Variants in IFT52 observed in about 807,000 individuals in gnomAD.
The protein encoded by IFT52 is intraflagellar transport 52.
In IFT52, 44 loss-of-function variants were observed where a neutral mutation model predicts 54.4. The ratio of observed to expected loss-of-function variants is 0.81; its 90% CI spans 0.63 to 1.04. The LOEUF is 1.04. Ranked by LOEUF, IFT52 falls within the 50% of genes least tolerant of loss-of-function variation. IFT52 has a pLI of 0.00. For synonymous variants in IFT52, 181 were observed against 185.3 expected (o/e 0.98, Z 0.19); for missense variants, 452 against 523.6 (o/e 0.86, Z 1.33).
At chr20:43,626,444 C>T (rs1984729443) in intron 10 of IFT52, among the ~76,000 whole-genome samples, 1 of 151,938 alleles carries the variant, frequency 6.6e-6, no homozygotes, top group South Asian at 2.1e-4. Context: ...CGGGGTTTCA[C>T]CATGTTGGCC....
At chr20:43,591,738 C>T (rs1981537910) in intron 1 of IFT52, among the ~76,000 whole-genome samples, 1 of 152,044 alleles carries the variant, frequency 6.6e-6, no homozygotes. Context: ...AAAGGTATAG[C>T]AATTAAACTA....
At chr20:43,605,371 A>G (rs1258137545) in intron 6 of IFT52, among the ~76,000 whole-genome samples, 1 of 152,150 alleles carries the variant, frequency 6.6e-6, no homozygotes. Flanking sequence ...ACATGGCAAA[A>G]TCCCATCTCT....
intron 11 of IFT52, among the ~76,000 whole-genome samples, chr20:43,636,472 A>T (rs1270848622): frequency 2.0e-5 from 3 of 152,174 alleles, no homozygotes; most frequent in African/African-American, 7.2e-5. Flanking sequence ...CCACATTCTG[A>T]AATGTTATGA....
intron 9 of IFT52, among the ~76,000 whole-genome samples, chr20:43,622,266 C>T (rs1984355903): frequency 6.6e-6 from 1 of 152,090 alleles, no homozygotes; most frequent in Non-Finnish European, 1.5e-5. Context: ...AAACATTAAG[C>T]ATGTGGATAT....
chr20:43,641,942 C>T (rs913839234), intron 12 of IFT52, among the ~76,000 whole-genome samples: 12 of 152,046 alleles, frequency 7.9e-5, no homozygotes, highest in African/African-American at 2.9e-4. Context: ...TACAGGCCTG[C>T]ATCACCACAT....
intron 2 of IFT52, 103 bp downstream of exon 2, chr20:43,594,920 A>G: frequency 1.4e-6 from 1 of 724,810 alleles, no homozygotes; most frequent in Non-Finnish European, 2.4e-6. Flanking sequence ...TTTAGGTGGG[A>G]GAAGCTCAAT....
At chr20:43,605,097 A>G (rs762097502) in intron 6 of IFT52, 24 bp downstream of exon 6, 8 of 1,610,188 alleles carry the variant, frequency 5.0e-6, no homozygotes, top group African/African-American at 4.0e-5. Context: ...CTGATGCCAC[A>G]TGAGGAAGAT....
rs185981976 is a variant in IFT52 at position 43,605,139 on chromosome 20, A to G, written c.485+66A>G. The G allele has an allele frequency of 1.1e-5, 17 of 1,584,002 alleles. No individual in the cohort carries two copies. In the East Asian group the frequency reaches 3.6e-4, roughly 33 times the overall value. On this transcript the variant is annotated intron_variant, in intron 6 of 13. Coordinates refer to ENST00000373030, the MANE Select transcript of IFT52 (RefSeq NM_016004.5). The stretch of plus-strand genomic sequence containing the variant: ...TTTTGGAGTCTTCTTTTTCAAAATG[A>G]AAAGAGCTTTTGTTTCTGGTTACAA...
intron 3 of IFT52, among the ~76,000 whole-genome samples, chr20:43,598,234 C>T (rs1033007685): frequency 6.6e-6 from 1 of 152,126 alleles, no homozygotes; most frequent in South Asian, 2.1e-4. Context: ...GCATGAGGTA[C>T]GTAGAGTAGT....
At chr20:43,608,626 C>T (rs960617235) in intron 6 of IFT52, among the ~76,000 whole-genome samples, 4 of 152,088 alleles carry the variant, frequency 2.6e-5, no homozygotes, top group African/African-American at 7.2e-5. Context: ...TAATGTGGTC[C>T]GGGTACCGTG....
intron 2 of IFT52, among the ~76,000 whole-genome samples, 192 bp downstream of exon 2, chr20:43,595,009 G>T (rs574408047): frequency 6.6e-6 from 1 of 151,474 alleles, no homozygotes; most frequent in East Asian, 2.0e-4. Flanking sequence ...GAGGCGGGCG[G>T]ATCACGAGGT....
intron 6 of IFT52, among the ~76,000 whole-genome samples, chr20:43,606,903 G>A (rs1424420220): frequency 3.9e-5 from 6 of 152,164 alleles, no homozygotes; most frequent in African/African-American, 1.4e-4. Context: ...AGGGTTGGGG[G>A]TAAGGTCACA....
At chr20:43,618,864 A>G (rs2145631193) in intron 7 of IFT52, 76 bp from the exon 8 acceptor site, 1 of 911,120 alleles carries the variant, frequency 1.1e-6, no homozygotes, top group Non-Finnish European at 1.8e-6. Context: ...GCATGATTCT[A>G]ATAAGTGTCT....
chr20:43,594,886 T>G, intron 2 of IFT52, 69 bp downstream of exon 2: 1 of 855,962 alleles, frequency 1.2e-6, no homozygotes, highest in Non-Finnish European at 2.0e-6. Context: ...GAGAAGTCTT[T>G]ATTTTCTTAG....
At chr20:43,600,400 G>A (rs1039156212) in intron 3 of IFT52, among the ~76,000 whole-genome samples, 1 of 151,738 alleles carries the variant, frequency 6.6e-6, no homozygotes, top group Non-Finnish European at 1.5e-5. Context: ...CGCCTCCCGG[G>A]TTCACGCCAT....
chr20:43,639,371 C>CA (rs909963670), intron 12 of IFT52, among the ~76,000 whole-genome samples: 3 of 150,470 alleles, frequency 2.0e-5, no homozygotes, highest in African/African-American at 4.9e-5. Flanking sequence ...GACCTTGTCT[C>CA]AAAAAAACAA....
chr20:43,640,544 A>C (rs1267865454), intron 12 of IFT52, among the ~76,000 whole-genome samples: 2 of 152,216 alleles, frequency 1.3e-5, no homozygotes, highest in Admixed American at 1.3e-4. Flanking sequence ...TGATGAAGTC[A>C]ACTTAGAAAA....
chr20:43,591,186 C>G (rs1393407578), intron 1 of IFT52, 132 bp downstream of exon 1: 2 of 152,274 alleles, frequency 1.3e-5, no homozygotes, highest in African/African-American at 4.8e-5. Context: ...GTGAAGTAAA[C>G]TGTGGGCGCG....
intron 12 of IFT52, among the ~76,000 whole-genome samples, chr20:43,639,909 C>T (rs544722738): frequency 1.3e-5 from 2 of 152,190 alleles, no homozygotes; most frequent in South Asian, 4.1e-4. Flanking sequence ...GGTGCGATGG[C>T]TCACACCTAT....
Sources: allele counts gnomAD v4.1 joint callset (sites outside exome capture counted in the v4.1 genomes callset), GRCh38; gene constraint gnomAD v4.1.1; transcripts MANE v1.5; gene names NCBI Gene and HGNC (gene_info 2026-07-23, HGNC 2026-07-21).